The following WDR91 variants were observed in gnomAD, a reference collection of about 807,000 sequenced individuals.
WDR91 encodes WD repeat domain 91.
Under a neutral mutation model 88.4 loss-of-function variants are expected in WDR91, and 52 were observed. The observed-to-expected ratio is 0.59, with a 90% CI of 0.47 to 0.74. The LOEUF (loss-of-function observed/expected upper bound fraction) is 0.74, where lower values mean the gene tolerates loss of function less well. Among genes scored for constraint, WDR91 ranks in the 30% least tolerant of loss-of-function variants. The pLI is 0.00. For missense variants in WDR91, 824 were observed against 954.5 expected (o/e 0.86, Z 1.80); for synonymous variants, 362 against 389.5 (o/e 0.93, Z 0.83).
At position 135,202,612 on chromosome 7, in the gene WDR91, G is replaced by A. The variant is rs935949615; in HGVS notation, c.891+1656C>T. 6.6e-5 allele frequency among the ~76,000 whole-genome samples: 10 copies of A among 152,156 alleles called. No homozygotes were observed. In the East Asian group the frequency reaches 1.2e-3, roughly 18 times the overall value. ...ACAGTTCCTAACCACATAGAGTAGG[G>A]CCACAGCTTACTCCCACAGAAGCTG... On this transcript the variant is annotated intron_variant, in intron 6 of 14. Coordinates refer to ENST00000354475, the MANE Select transcript of WDR91 (RefSeq NM_014149.4).
intron 1 of WDR91, 69 bp from the exon 2 acceptor site, chr7:135,209,824 C>T (rs1831947764): frequency 1.5e-6 from 2 of 1,356,104 alleles, no homozygotes; most frequent in Non-Finnish European, 1.9e-6. Context: ...TGGAATAAAG[C>T]TTTTTCCTCT....
At position 135,193,316 on chromosome 7, in the gene WDR91, A is replaced by C; in HGVS notation, c.1574T>G (p.Phe525Cys). ...CTTGCTGCCGATGTCTGGTGCTGAG[A>C]AGTCCACCTGGGAAGTGAGGCTCGG... ...AAPSLTSQVD[F>C]SAPDIGSKGM... The change falls in exon 11 of 15, where the codon TTC (phenylalanine) becomes TGC (cysteine). Residue 525 changes from phenylalanine (F) to cysteine (C), a missense_variant. By Grantham distance (205) the Phe-to-Cys change is radical. Coordinates refer to ENST00000354475, the MANE Select transcript of WDR91 (RefSeq NM_014149.4). 6.2e-7 allele frequency: 1 copy of C among 1,614,200 alleles called. No homozygotes were observed. The highest frequency in any genetic ancestry group is 1.1e-5 in the South Asian group (1 of 91,084).
At chr7:135,206,086 AATG>A (rs1831767122) in intron 4 of WDR91, 28 bp from the exon 5 acceptor site, 6 of 1,613,892 alleles carry the variant, frequency 3.7e-6, no homozygotes, top group Non-Finnish European at 5.1e-6. Context: ...TGAGTTAGCC[AATG>A]ATCTCACCTA....
At chr7:135,197,969 G>A (rs776859916) in intron 7 of WDR91, 24 bp downstream of exon 7, 19 of 1,610,560 alleles carry the variant, frequency 1.2e-5, no homozygotes, top group Non-Finnish European at 1.5e-5. Context: ...AGTGTCCCCA[G>A]GGGTGTTCAG....
intron 3 of WDR91, among the ~76,000 whole-genome samples, chr7:135,208,277 C>T (rs760991708): frequency 1.1e-4 from 17 of 152,244 alleles, no homozygotes; most frequent in Non-Finnish European, 1.2e-4. Context: ...CTCTCCAATA[C>T]CCGCATATAT....
chr7:135,211,277 GA>G, intron 1 of WDR91, 102 bp downstream of exon 1: 1 of 1,453,312 alleles, frequency 6.9e-7, no homozygotes, highest in Non-Finnish European at 9.1e-7. Context: ...GCCCCGGCGC[GA>G]GTGACAGCGC....
intron 2 of WDR91, 88 bp from the exon 3 acceptor site, chr7:135,209,086 T>A: frequency 8.8e-7 from 1 of 1,140,396 alleles, no homozygotes; most frequent in East Asian, 2.5e-5. Flanking sequence ...AGACAACCTT[T>A]GACTATCAGC....
chr7:135,187,194 G>A (rs780601842), intron 13 of WDR91, 25 bp from the exon 14 acceptor site: 2 of 1,612,928 alleles, frequency 1.2e-6, no homozygotes, highest in African/African-American at 1.3e-5. Flanking sequence ...CACAAGCAGG[G>A]TGCTCGCAGC....
intron 6 of WDR91, among the ~76,000 whole-genome samples, chr7:135,200,591 G>A (rs1831534977): frequency 6.6e-6 from 1 of 152,180 alleles, no homozygotes; most frequent in African/African-American, 2.4e-5. Context: ...TGGACTGATG[G>A]ACAGATGAAA....
intron 6 of WDR91, among the ~76,000 whole-genome samples, chr7:135,202,759 G>C (rs1004362655): frequency 3.3e-5 from 5 of 152,190 alleles, no homozygotes; most frequent in African/African-American, 7.2e-5. Flanking sequence ...GAGAGATCCA[G>C]AAAGCAAGCA....
In WDR91 at chr7:135,193,300, G is replaced by C. The variant is rs968247433; in HGVS notation, c.1590C>G (p.Ile530Met). 3 of 1,614,082 alleles carry C rather than the reference G, an allele frequency of 1.9e-6. No individual in the cohort carries two copies. The highest frequency in any genetic ancestry group is 1.6e-4 in the Middle Eastern group (1 of 6,076). ...GAACCTGGTTCATGCCCTTGCTGCCGATGTCTGGTGCTGAGAAGTCCACCT... is the reference window on the plus strand; with the variant it reads ...GAACCTGGTTCATGCCCTTGCTGCCCATGTCTGGTGCTGAGAAGTCCACCT... ...TSQVDFSAPD[I>M]GSKGMNQVPG... is the part of the protein sequence containing the mutation. The change falls in exon 11 of 15, where the codon ATC (isoleucine) becomes ATG (methionine). Residue 530 changes from isoleucine (I) to methionine (M), a missense_variant. By Grantham distance (10) the Ile-to-Met change is conservative. Transcript: ENST00000354475.
rs996068362 is a variant in WDR91 at position 135,184,404 on chromosome 7, G to A, written c.*1747C>T. ...GCTCAGAGACTTAAAATGACTCATG[G>A]CAGCTGCCTTCCCCAGCTCAGTGAT... is the stretch of plus-strand genomic sequence containing the variant. On this transcript the variant is annotated 3_prime_UTR_variant, in exon 15 of 15. Coordinates refer to ENST00000354475, the MANE Select transcript of WDR91 (RefSeq NM_014149.4). 26 of 152,156 alleles carry A rather than the reference G, an allele frequency of 1.7e-4. No individual in the cohort carries two copies. The highest frequency in any genetic ancestry group is 5.6e-4 in the African/African-American group (23 of 41,410). 9.4% of individuals were successfully genotyped at this position (152,156 alleles called of 1,614,324 possible). A position where few individuals can be genotyped will look rare whatever the true frequency, so the allele number is the denominator to read the frequency against.
rs780548923 is a variant in WDR91 at position 135,208,892 on chromosome 7, G to C, written c.410C>G (p.Pro137Arg). The C allele has an allele frequency of 1.9e-6, 3 of 1,614,058 alleles. No homozygotes were observed. The highest frequency in any genetic ancestry group is 1.3e-5 in the African/African-American group (1 of 74,926). The change falls in exon 3 of 15, where the codon CCG becomes CGG. Residue 137 changes from proline to arginine, a missense_variant. Coordinates refer to ENST00000354475, the MANE Select transcript of WDR91 (RefSeq NM_014149.4). Reference sequence around the variant, plus strand: ...GGTAGCAAAGGTGGGGTTGGTGTCCGGGGATGGCAGGAAGGGCAGGACAAA... The same window carrying C: ...GGTAGCAAAGGTGGGGTTGGTGTCCCGGGATGGCAGGAAGGGCAGGACAAA... ...DWFVLPFLPSPDTNPTFATYF... is the reference protein window; with the variant it reads ...DWFVLPFLPSRDTNPTFATYF...
chr7:135,197,191 G>T (rs893864104), intron 7 of WDR91: 1 of 152,216 alleles, frequency 6.6e-6, no homozygotes, highest in Non-Finnish European at 1.5e-5. Flanking sequence ...ACATTATGGG[G>T]CTCTGGGTGG....
At chr7:135,207,320 GTGCTGTGGGCTCT>G (rs1485417299) in intron 3 of WDR91, 118 bp from the exon 4 acceptor site, 1 of 836,136 alleles carries the variant, frequency 1.2e-6, no homozygotes, top group South Asian at 1.3e-5. Context: ...TATAGGAGCG[GTGCTGTGGGCTCT>G]TGCGGGCTTA....
intron 3 of WDR91, among the ~76,000 whole-genome samples, chr7:135,208,423 T>C (rs1441971870): frequency 6.6e-6 from 1 of 152,008 alleles, no homozygotes; most frequent in African/African-American, 2.4e-5. Flanking sequence ...CCAGCAAAGG[T>C]ATATCCCCGG....
rs11760772 is a variant in WDR91, at chr7:135,186,437, A to G, written c.2080-122T>C. On this transcript the variant is annotated intron_variant, in intron 14 of 14. Transcript: ENST00000354475. The stretch of plus-strand genomic sequence containing the variant: ...CAGACACACATGCCCACCTTTCCAG[A>G]AAGTCTGTTTAACTTTTTGAACCAG... 9,674 of 1,094,964 alleles carry G rather than the reference A, an allele frequency of 8.8e-3. 59 individuals are homozygous for G. Among genetic ancestry groups the G allele is most frequent in the Middle Eastern group, 0.03 (139 of 4,626 alleles). The allele number at this position is 1,094,964 out of a possible 1,614,324, so 67.8% of individuals were successfully genotyped here. A position where few individuals can be genotyped will look rare whatever the true frequency, so the allele number is the denominator to read the frequency against.
intron 10 of WDR91, 56 bp downstream of exon 10, chr7:135,193,522 G>C (rs573413854): frequency 2.5e-5 from 41 of 1,611,874 alleles, no homozygotes; most frequent in Non-Finnish European, 3.4e-5. Flanking sequence ...GACCAGCCCC[G>C]CGGACCACAC....
chr7:135,204,226 G>T (rs762789296), intron 6 of WDR91, 42 bp downstream of exon 6: 2 of 1,603,070 alleles, frequency 1.2e-6, no homozygotes, highest in South Asian at 2.2e-5. Context: ...GAGCTGTCAC[G>T]GCCTTCTTGG....
Sources: allele counts gnomAD v4.1 joint callset (sites outside exome capture counted in the v4.1 genomes callset), GRCh38; gene constraint gnomAD v4.1.1; transcripts MANE v1.5; gene names NCBI Gene and HGNC (gene_info 2026-07-23, HGNC 2026-07-21).